ELAPOR1: variants seen among roughly 807,000 people sequenced by gnomAD.
ELAPOR1 encodes the protein endosome-lysosome associated apoptosis and autophagy regulator 1, also known as endosome/lysosome-associated apoptosis and autophagy regulator 1.
A neutral mutation model predicts 119.7 loss-of-function variants in ELAPOR1; 77 were observed. The observed-to-expected ratio is 0.64, with a 90% CI of 0.54 to 0.78. ELAPOR1 has a LOEUF of 0.78. Among genes scored for constraint, ELAPOR1 ranks in the 30% least tolerant of loss-of-function variants. ELAPOR1 has a pLI of 0.00. For synonymous variants in ELAPOR1, 481 were observed against 487.2 expected, an observed-to-expected ratio of 0.99 and a Z score of 0.17; for missense variants, 1,115 against 1,270.4, an observed-to-expected ratio of 0.88 and a Z score of 1.86.
chr1:109,172,768 T>C (rs1406372281), intron 5 of ELAPOR1, among the ~76,000 whole-genome samples, 200 bp downstream of exon 5: 1 of 152,192 alleles, frequency 6.6e-6, no homozygotes, highest in Non-Finnish European at 1.5e-5. Flanking sequence ...TTCTATGGCT[T>C]GACTCCAAAG....
chr1:109,187,981 T>C (rs956393207), intron 8 of ELAPOR1, 196 bp from the exon 9 acceptor site: 13 of 1,330,298 alleles, frequency 9.8e-6, no homozygotes, highest in African/African-American at 4.4e-5. Flanking sequence ...AGATAGTGAT[T>C]GAACACAACC....
At chr1:109,138,603 T>C (rs1288841696) in intron 1 of ELAPOR1, among the ~76,000 whole-genome samples, 1 of 129,166 alleles carries the variant, frequency 7.7e-6, no homozygotes, top group African/African-American at 3.3e-5. Context: ...AGGCTAAAAC[T>C]TCCTGATTTC....
At chr1:109,125,920 G>A (rs530106449) in intron 1 of ELAPOR1, among the ~76,000 whole-genome samples, 1 of 152,212 alleles carries the variant, frequency 6.6e-6, no homozygotes, top group South Asian at 2.1e-4. Flanking sequence ...TCCCTTCTCA[G>A]CTGCTTCCCC....
At chr1:109,130,277 A>G (rs994091541) in intron 1 of ELAPOR1, among the ~76,000 whole-genome samples, 1 of 152,182 alleles carries the variant, frequency 6.6e-6, no homozygotes, top group South Asian at 2.1e-4. Flanking sequence ...GGCACGTAGT[A>G]TAGACTCAAT....
chr1:109,176,656 G>A (rs185621287), intron 7 of ELAPOR1, among the ~76,000 whole-genome samples: 260 of 148,664 alleles, frequency 1.7e-3, no homozygotes, highest in Non-Finnish European at 3.0e-3. Flanking sequence ...CTCGCAGAGG[G>A]GGATTTGGCA....
chr1:109,125,606 G>A (rs913294361), intron 1 of ELAPOR1, among the ~76,000 whole-genome samples: 2 of 149,288 alleles, frequency 1.3e-5, no homozygotes, highest in African/African-American at 2.5e-5. Context: ...GGATGGTCTC[G>A]ATCTCTTGAC....
intron 1 of ELAPOR1, among the ~76,000 whole-genome samples, chr1:109,157,680 C>T (rs762202602): frequency 7.2e-5 from 11 of 152,098 alleles, no homozygotes; most frequent in South Asian, 2.1e-4. Flanking sequence ...TGGGAAGGGG[C>T]GGTGGGATCA....
chr1:109,126,524 G>T (rs955486359), intron 1 of ELAPOR1, among the ~76,000 whole-genome samples: 2 of 151,964 alleles, frequency 1.3e-5, no homozygotes, highest in African/African-American at 2.4e-5. Flanking sequence ...AGGCTGGAGT[G>T]CAGTGATGCA....
chr1:109,199,728 TG>T, intron 18 of ELAPOR1, 125 bp from the exon 19 acceptor site: 2 of 1,115,770 alleles, frequency 1.8e-6, no homozygotes, highest in Non-Finnish European at 2.6e-6. Flanking sequence ...GGAAGGATCC[TG>T]GTAGGGCTAA....
chr1:109,183,306 C>T (rs1334164153), intron 7 of ELAPOR1, among the ~76,000 whole-genome samples: 4 of 102,982 alleles, frequency 3.9e-5, no homozygotes, highest in Non-Finnish European at 7.2e-5. Flanking sequence ...GCTTGGGCAA[C>T]ATAGCGAGAC....
intron 3 of ELAPOR1, 87 bp from the exon 4 acceptor site, chr1:109,171,779 G>A: frequency 7.3e-7 from 1 of 1,375,404 alleles, no homozygotes. Context: ...AATTCCCAAA[G>A]ACCCAGCAGA....
At chr1:109,136,861 C>A (rs771548921) in intron 1 of ELAPOR1, among the ~76,000 whole-genome samples, 4 of 152,160 alleles carry the variant, frequency 2.6e-5, no homozygotes, top group Non-Finnish European at 5.9e-5. Flanking sequence ...CACAGACACA[C>A]GTGAGTCAAA....
intron 2 of ELAPOR1, among the ~76,000 whole-genome samples, chr1:109,162,551 C>T: frequency 6.6e-6 from 1 of 152,344 alleles, no homozygotes; most frequent in South Asian, 2.1e-4. Context: ...CAGCACCCGC[C>T]TCTGTGACTC....
intron 21 of ELAPOR1, 23 bp from the exon 22 acceptor site, chr1:109,202,921 T>G: frequency 1.2e-6 from 2 of 1,613,978 alleles, no homozygotes; most frequent in Non-Finnish European, 1.7e-6. Context: ...AGCAGCCAGC[T>G]CCTGTCACCA....
intron 1 of ELAPOR1, among the ~76,000 whole-genome samples, chr1:109,142,264 G>A (rs1649874787): frequency 6.6e-6 from 1 of 152,162 alleles, no homozygotes; most frequent in South Asian, 2.1e-4. Flanking sequence ...GAAAAGACTA[G>A]GACTTTAATT....
At chr1:109,134,349 G>T (rs955184183) in intron 1 of ELAPOR1, among the ~76,000 whole-genome samples, 3 of 152,086 alleles carry the variant, frequency 2.0e-5, no homozygotes, top group African/African-American at 7.2e-5. Flanking sequence ...AAGCCTCATA[G>T]GTTCTCCAGG....
intron 7 of ELAPOR1, among the ~76,000 whole-genome samples, chr1:109,175,158 G>A (rs894261781): frequency 1.3e-5 from 2 of 151,790 alleles, no homozygotes; most frequent in African/African-American, 4.8e-5. Flanking sequence ...ACTGTGCCCA[G>A]TCCAGTCATT....
chr1:109,123,253 A>G (rs1311464754), intron 1 of ELAPOR1, among the ~76,000 whole-genome samples: 3 of 152,226 alleles, frequency 2.0e-5, no homozygotes, highest in African/African-American at 7.2e-5. Context: ...GCATACCACT[A>G]GGAAAAGCAG....
chr1:109,140,848 TTTTA>T (rs1488392388), intron 1 of ELAPOR1, among the ~76,000 whole-genome samples: 1 of 152,168 alleles, frequency 6.6e-6, no homozygotes, highest in Non-Finnish European at 1.5e-5. Flanking sequence ...ATGCATTTTA[TTTTA>T]TTTATTTATT....
Sources: gnomAD v4.1 joint callset for allele counts (sites outside exome capture counted in the v4.1 genomes callset) on GRCh38, gnomAD v4.1.1 for gene constraint, MANE v1.5 for transcripts, NCBI Gene and HGNC (gene_info 2026-07-23, HGNC 2026-07-21) for gene names.